Variants in GATAD2B observed in about 807,000 individuals in gnomAD.
The protein encoded by GATAD2B is GATA zinc finger domain containing 2B.
GATAD2B carries 8 observed loss-of-function variants against 64.3 expected under a neutral mutation model. The ratio of observed to expected loss-of-function variants is 0.12; its 90% CI spans 0.07 to 0.22. The LOEUF is 0.22. GATAD2B is among the 10% of genes least tolerant of loss of function. GATAD2B has a pLI of 1.00. For missense variants in GATAD2B, 453 were observed against 752.0 expected (o/e 0.60, Z 4.65); for synonymous variants, 281 against 271.3 (o/e 1.04, Z -0.35).
At chr1:153,827,689 C>A in intron 2 of GATAD2B, 1 of 276,312 alleles carries the variant, frequency 3.6e-6, no homozygotes, top group Admixed American at 4.9e-5. Flanking sequence ...CTATTTTTCT[C>A]CTCCTAAGAC....
At position 153,851,118 on chromosome 1, in the gene GATAD2B, C is replaced by T. The variant is rs1006005515; in HGVS notation, c.-1-22770G>A. ...TAGCAACTCCCCAATTTCTCCTCCC[C>T]CTCAGCCTTTGGCAACCACCATTTG... On this transcript the variant is annotated intron_variant, in intron 1 of 10. Coordinates refer to ENST00000368655, the MANE Select transcript of GATAD2B (RefSeq NM_020699.4). 2.0e-5 allele frequency among the ~76,000 whole-genome samples: 3 copies of T among 152,166 alleles called. No individual in the cohort carries two copies. The East Asian group carries it at 5.8e-4, about 29-fold the overall frequency.
intron 1 of GATAD2B, among the ~76,000 whole-genome samples, chr1:153,845,899 T>C (rs1219300066): frequency 6.6e-6 from 1 of 152,018 alleles, no homozygotes. Flanking sequence ...TGCACCATTG[T>C]ACTCCACTGG....
chr1:153,812,410 C>CA, intron 8 of GATAD2B: 1 of 367,632 alleles, frequency 2.7e-6, no homozygotes, highest in Admixed American at 4.3e-5. Flanking sequence ...ATGGAAAAGG[C>CA]AAAAGAGTTT....
intron 1 of GATAD2B, among the ~76,000 whole-genome samples, chr1:153,861,795 AAT>A (rs1553194157): frequency 1.0e-5 from 1 of 98,534 alleles, no homozygotes. Context: ...AAAAAAAAAA[AAT>A]ATATATATAT....
intron 1 of GATAD2B, among the ~76,000 whole-genome samples, chr1:153,896,462 G>A (rs544090663): frequency 4.5e-4 from 64 of 140,768 alleles, no homozygotes; most frequent in Admixed American, 2.5e-3. Context: ...TGGAAATGGA[G>A]TTTCGCTCTT....
At chr1:153,893,591 C>A (rs1444052017) in intron 1 of GATAD2B, among the ~76,000 whole-genome samples, 1 of 150,498 alleles carries the variant, frequency 6.6e-6, no homozygotes, top group African/African-American at 2.4e-5. Context: ...GCCTGGGCAA[C>A]AGAGCAAGAC....
At chr1:153,843,258 C>A (rs1675560449) in intron 1 of GATAD2B, among the ~76,000 whole-genome samples, 1 of 151,620 alleles carries the variant, frequency 6.6e-6, no homozygotes, top group Admixed American at 6.6e-5. Flanking sequence ...CCTCAGCCTC[C>A]CAAGCAGCTA....
chr1:153,910,132 A>G (rs1033924503), intron 1 of GATAD2B, among the ~76,000 whole-genome samples: 3 of 151,894 alleles, frequency 2.0e-5, no homozygotes, highest in Non-Finnish European at 2.9e-5. Flanking sequence ...AATAATAATA[A>G]TAATTTTTTA....
At chr1:153,867,308 A>G (rs1228285554) in intron 1 of GATAD2B, among the ~76,000 whole-genome samples, 1 of 152,166 alleles carries the variant, frequency 6.6e-6, no homozygotes, top group Admixed American at 6.6e-5. Flanking sequence ...ATACTACAAT[A>G]TATCTGGCAA....
chr1:153,852,233 T>C, intron 1 of GATAD2B: 4 of 1,194,924 alleles, frequency 3.3e-6, no homozygotes, highest in Non-Finnish European at 5.0e-6. Flanking sequence ...GGCATGTTGT[T>C]AACAAGAAAT....
Position 153,818,400 on chromosome 1 carries a change from C to T in GATAD2B, c.598-229G>A, listed in dbSNP as rs1674561955. Among the ~76,000 whole-genome samples, 4 of 150,538 alleles carry T rather than the reference C, an allele frequency of 2.7e-5. No homozygotes were observed. The South Asian group carries it at 8.4e-4, about 32-fold the overall frequency. On this transcript the variant is annotated intron_variant, in intron 4 of 10. Transcript: ENST00000368655. ...CCTGATCTCGGCTCACTGCAAGCTC[C>T]ACCTCCCGGGTTCACGCCATTCTCC...
chr1:153,900,501 T>C (rs1677735465), intron 1 of GATAD2B, among the ~76,000 whole-genome samples: 1 of 151,840 alleles, frequency 6.6e-6, no homozygotes, highest in Non-Finnish European at 1.5e-5. Context: ...CATCACAGAC[T>C]GGCAAGCTTA....
At chr1:153,822,129 C>T (rs1674704843) in intron 2 of GATAD2B, among the ~76,000 whole-genome samples, 1 of 151,638 alleles carries the variant, frequency 6.6e-6, no homozygotes, top group Admixed American at 6.6e-5. Context: ...TGCAATGAGC[C>T]GAGATTGCAC....
chr1:153,856,723 T>C (rs956487420), intron 1 of GATAD2B, among the ~76,000 whole-genome samples: 13 of 151,832 alleles, frequency 8.6e-5, no homozygotes, highest in African/African-American at 2.9e-4. Context: ...CTGGGCAACA[T>C]AGCGAGACCC....
chr1:153,820,782 G>A (rs9427234), intron 2 of GATAD2B, among the ~76,000 whole-genome samples: 103,471 of 151,574 alleles, frequency 0.68, 37,847 homozygotes, highest in Non-Finnish European at 0.83. Flanking sequence ...GGCATGTGCC[G>A]CTACGCCCGG....
chr1:153,918,757 A>T (rs915366475), intron 1 of GATAD2B, among the ~76,000 whole-genome samples: 3 of 152,170 alleles, frequency 2.0e-5, no homozygotes, highest in Non-Finnish European at 4.4e-5. Context: ...GTTCGAGACC[A>T]GCCTGGCCAA....
At chr1:153,910,124 T>C (rs1273438276) in intron 1 of GATAD2B, among the ~76,000 whole-genome samples, 1 of 151,610 alleles carries the variant, frequency 6.6e-6, no homozygotes, top group Non-Finnish European at 1.5e-5. Context: ...AAAATAATAA[T>C]AATAATAATA....
At position 153,910,865 on chromosome 1, in the gene GATAD2B, G is replaced by A. The variant is rs140553250; in HGVS notation, c.-2+11868C>T. Among the ~76,000 whole-genome samples, 30 of 152,284 alleles carry A rather than the reference G, an allele frequency of 2.0e-4. 1 individual carries two copies. The East Asian group carries it at 5.8e-3, about 29-fold the overall frequency. ...AAGGTAAGCTAGGCTAAGCTATGAC[G>A]TTTAGTAGGTTAGCTGTATTAAATG... On this transcript the variant is annotated intron_variant, in intron 1 of 10. Coordinates refer to ENST00000368655, the MANE Select transcript of GATAD2B (RefSeq NM_020699.4).
In GATAD2B at chr1:153,892,886, G is replaced by T. The variant is rs1320932434; in HGVS notation, c.-2+29847C>A. On this transcript the variant is annotated intron_variant, in intron 1 of 10. Coordinates refer to ENST00000368655, the MANE Select transcript of GATAD2B (RefSeq NM_020699.4). The stretch of plus-strand genomic sequence containing the variant: ...ATTTTTGTATTTTTAGTAGAGACGG[G>T]GTTTCACAATGTTGGCCAAGCTGAT... 2.0e-5 allele frequency among the ~76,000 whole-genome samples: 3 copies of T among 151,982 alleles called. No individual in the cohort carries two copies. The East Asian group carries it at 5.8e-4, about 29-fold the overall frequency.
Sources: allele counts gnomAD v4.1 joint callset (sites outside exome capture counted in the v4.1 genomes callset), GRCh38; gene constraint gnomAD v4.1.1; transcripts MANE v1.5; gene names NCBI Gene and HGNC (gene_info 2026-07-23, HGNC 2026-07-21).